The following EGFR variants were observed in gnomAD, a reference collection of about 807,000 sequenced individuals.
EGFR encodes epidermal growth factor receptor.
In EGFR, 58 loss-of-function variants were observed where a neutral mutation model predicts 143.0. The observed-to-expected ratio is 0.41, with a 90% CI of 0.33 to 0.50. The LOEUF (loss-of-function observed/expected upper bound fraction) is 0.50, where lower values mean the gene tolerates loss of function less well. EGFR is among the 20% of genes least tolerant of loss of function. The probability of loss-of-function intolerance (pLI) is 0.39; values close to 1 mark genes in which losing one functional copy is unlikely to be tolerated. For missense variants in EGFR, 1,307 were observed against 1,579.0 expected, an observed-to-expected ratio of 0.83 and a Z score of 2.92; for synonymous variants, 613 against 594.4, an observed-to-expected ratio of 1.03 and a Z score of -0.45.
chr7:55,086,348 A>G (rs1304123443), intron 1 of EGFR, among the ~76,000 whole-genome samples: 2 of 145,576 alleles, frequency 1.4e-5, no homozygotes, highest in East Asian at 3.9e-4. Context: ...AAGTGAGGTT[A>G]TTTTGCTCCC....
intron 1 of EGFR, among the ~76,000 whole-genome samples, chr7:55,086,019 T>C (rs532906809): frequency 2.0e-5 from 3 of 151,972 alleles, no homozygotes; most frequent in Admixed American, 6.5e-5. Context: ...TGACACATAG[T>C]TTGAAACCAC....
intron 1 of EGFR, among the ~76,000 whole-genome samples, chr7:55,124,098 A>T (rs531790928): frequency 1.3e-5 from 2 of 152,336 alleles, no homozygotes; most frequent in African/African-American, 4.8e-5. Flanking sequence ...AGAAATAGGG[A>T]AATTAACAAG....
At chr7:55,166,254 T>A (rs1472582288) in intron 15 of EGFR, 1 of 559,942 alleles carries the variant, frequency 1.8e-6, no homozygotes, top group Non-Finnish European at 3.5e-6. Context: ...TCAATCAAAC[T>A]GGATCCCACT....
chr7:55,120,231 C>T (rs752851488), intron 1 of EGFR, among the ~76,000 whole-genome samples: 1 of 152,172 alleles, frequency 6.6e-6, no homozygotes, highest in Non-Finnish European at 1.5e-5. Context: ...AGCCTGCTCT[C>T]CAGTGTTGGG....
At chr7:55,056,216 C>G (rs150039697) in intron 1 of EGFR, among the ~76,000 whole-genome samples, 1 of 152,222 alleles carries the variant, frequency 6.6e-6, no homozygotes, top group East Asian at 1.9e-4. Context: ...ATCAGTATTT[C>G]TGGAATTGAA....
At chr7:55,093,269 G>GT (rs1296909767) in intron 1 of EGFR, among the ~76,000 whole-genome samples, 2 of 152,106 alleles carry the variant, frequency 1.3e-5, no homozygotes, top group Non-Finnish European at 2.9e-5. Context: ...TGCCTTCCAT[G>GT]TTTTTTTGTT....
chr7:55,057,653 T>A (rs926061862), intron 1 of EGFR, among the ~76,000 whole-genome samples: 1 of 152,252 alleles, frequency 6.6e-6, no homozygotes, highest in Non-Finnish European at 1.5e-5. Context: ...TTCCTTGTTT[T>A]GGTCACATAA....
chr7:55,061,937 C>A (rs959746550), intron 1 of EGFR, among the ~76,000 whole-genome samples: 5 of 152,152 alleles, frequency 3.3e-5, no homozygotes, highest in African/African-American at 2.4e-5. Context: ...AAGGACCAAG[C>A]GCTTGAGGTT....
In EGFR at chr7:55,032,533, G is replaced by A. The variant is rs79360612; in HGVS notation, c.88+13168G>A. On this transcript the variant is annotated intron_variant, in intron 1 of 27. Transcript: ENST00000275493. ...GCATCCTGGGGAACTGAATGAGGAC[G>A]CAGATGACCCGGACGTGTTCACAGT... Among the ~76,000 whole-genome samples, 81 of 152,270 alleles carry A rather than the reference G, an allele frequency of 5.3e-4. 2 individuals are homozygous for A. The highest frequency in any genetic ancestry group is 3.3e-4 in the Admixed American group (5 of 15,292).
intron 1 of EGFR, among the ~76,000 whole-genome samples, chr7:55,097,222 T>C (rs1048416400): frequency 2.0e-5 from 3 of 148,524 alleles, no homozygotes; most frequent in African/African-American, 7.4e-5. Flanking sequence ...GTGGTGTCTT[T>C]GCACTTCTTC....
rs78134465 is a variant in EGFR at position 55,031,297 on chromosome 7, G to A, written c.88+11932G>A. Among the ~76,000 whole-genome samples, 1,010 of 152,332 alleles carry A rather than the reference G, an allele frequency of 6.6e-3. 8 individuals are homozygous for A. The highest frequency in any genetic ancestry group is 0.027 in the Middle Eastern group (8 of 294). ...GTATATTGATTTCAGGGTGGCTTTA[G>A]CCACTGAACCTGTAAGTCTTGCAAA... is the stretch of plus-strand genomic sequence containing the variant. On this transcript the variant is annotated intron_variant, in intron 1 of 27. Coordinates refer to ENST00000275493, the MANE Select transcript of EGFR (RefSeq NM_005228.5).
intron 20 of EGFR, among the ~76,000 whole-genome samples, chr7:55,190,374 AC>A (rs1024590447): frequency 1.3e-5 from 2 of 152,084 alleles, no homozygotes; most frequent in African/African-American, 4.8e-5. Flanking sequence ...GGCCTCACAA[AC>A]GGCGCCCAAA....
chr7:55,130,887 G>A (rs1793793144), intron 1 of EGFR, among the ~76,000 whole-genome samples: 1 of 152,194 alleles, frequency 6.6e-6, no homozygotes, highest in South Asian at 2.1e-4. Context: ...CTGGTCAGCT[G>A]CGGTCAGCAC....
At chr7:55,113,122 T>C (rs768083327) in intron 1 of EGFR, among the ~76,000 whole-genome samples, 3 of 152,184 alleles carry the variant, frequency 2.0e-5, no homozygotes, top group Non-Finnish European at 4.4e-5. Flanking sequence ...TTCCTGTATG[T>C]TGTAGAAAGT....
At chr7:55,169,832 C>T (rs1218193707) in intron 15 of EGFR, among the ~76,000 whole-genome samples, 1 of 152,220 alleles carries the variant, frequency 6.6e-6, no homozygotes, top group Non-Finnish European at 1.5e-5. Context: ...TTCTTGTTAG[C>T]AATCCCTATG....
chr7:55,181,511 A>G (rs1236453230), intron 20 of EGFR, 33 bp downstream of exon 20: 18 of 1,613,934 alleles, frequency 1.1e-5, no homozygotes, highest in Non-Finnish European at 1.5e-5. Flanking sequence ...GGGAGGGGAG[A>G]TAAGGAGCCA....
intron 1 of EGFR, among the ~76,000 whole-genome samples, chr7:55,061,503 C>T (rs529770483): frequency 2.0e-5 from 3 of 152,282 alleles, no homozygotes; most frequent in South Asian, 2.1e-4. Context: ...TCGTCTCACA[C>T]CTCTTGCCCT....
intron 16 of EGFR, 75 bp downstream of exon 16, chr7:55,171,288 T>C: frequency 6.3e-7 from 1 of 1,585,360 alleles, no homozygotes; most frequent in African/African-American, 1.3e-5. Context: ...GATGCTTTCC[T>C]GCATTTCTGA....
chr7:55,038,382 C>T (rs537859971), intron 1 of EGFR, among the ~76,000 whole-genome samples: 2 of 152,162 alleles, frequency 1.3e-5, no homozygotes, highest in Non-Finnish European at 2.9e-5. Flanking sequence ...AGCGCAGCCT[C>T]CCAAAGACAG....
Sources: gnomAD v4.1 joint callset for allele counts (sites outside exome capture counted in the v4.1 genomes callset) on GRCh38, gnomAD v4.1.1 for gene constraint, MANE v1.5 for transcripts, NCBI Gene and HGNC (gene_info 2026-07-23, HGNC 2026-07-21) for gene names.